The following KLB variants were observed in gnomAD, a reference collection of about 807,000 sequenced individuals.
KLB encodes klotho beta, also known as beta-klotho.
In KLB, 44 loss-of-function variants were observed where a neutral mutation model predicts 88.4. That is an observed-to-expected ratio of 0.50 (90% CI 0.39 to 0.64). The LOEUF is 0.64. Among genes scored for constraint, KLB ranks in the 30% least tolerant of loss-of-function variants. The probability of loss-of-function intolerance (pLI) is 0.00; values close to 1 mark genes in which losing one functional copy is unlikely to be tolerated. For missense variants in KLB, 1,137 were observed against 1,304.8 expected (o/e 0.87, Z 1.98); for synonymous variants, 548 against 513.4 (o/e 1.07, Z -0.91).
chr4:39,440,656 C>T (rs554746778), intron 3 of KLB, among the ~76,000 whole-genome samples: 98 of 152,218 alleles, frequency 6.4e-4, no homozygotes, highest in Non-Finnish European at 1.2e-3. Context: ...CTCCCGTGTT[C>T]GTGCAATTCT....
intron 3 of KLB, among the ~76,000 whole-genome samples, chr4:39,439,003 C>CTT (rs1343702750): frequency 7.6e-4 from 106 of 139,956 alleles, no homozygotes; most frequent in African/African-American, 2.1e-3. Flanking sequence ...TCTACTTCAT[C>CTT]TTTTTTTTTT....
chr4:39,422,809 T>C (rs142025345), intron 1 of KLB, among the ~76,000 whole-genome samples: 1 of 151,866 alleles, frequency 6.6e-6, no homozygotes, highest in Non-Finnish European at 1.5e-5. Flanking sequence ...TCACCCACAC[T>C]GGAGTGCAGT....
At chr4:39,433,167 A>T (rs1164690627) in intron 1 of KLB, among the ~76,000 whole-genome samples, 1 of 152,078 alleles carries the variant, frequency 6.6e-6, no homozygotes. Context: ...GGCATGAGCC[A>T]CCCCGCCTGG....
At chr4:39,439,857 G>A (rs540731883) in intron 3 of KLB, among the ~76,000 whole-genome samples, 3 of 152,060 alleles carry the variant, frequency 2.0e-5, no homozygotes, top group South Asian at 2.1e-4. Flanking sequence ...TAGTAGAGAC[G>A]GGGTTTCACC....
chr4:39,421,457 A>G (rs1038608587), intron 1 of KLB, among the ~76,000 whole-genome samples: 3 of 152,116 alleles, frequency 2.0e-5, no homozygotes, highest in African/African-American at 7.2e-5. Flanking sequence ...CATAATCAAA[A>G]CTATGACTCC....
chr4:39,439,675 T>C (rs1743554895), intron 3 of KLB, among the ~76,000 whole-genome samples: 1 of 150,840 alleles, frequency 6.6e-6, no homozygotes, highest in South Asian at 2.1e-4. Flanking sequence ...TTTTTTTTTT[T>C]TGGAGACGGA....
chr4:39,425,383 T>G (rs1743182672), intron 1 of KLB, among the ~76,000 whole-genome samples: 1 of 152,218 alleles, frequency 6.6e-6, no homozygotes, highest in African/African-American at 2.4e-5. Flanking sequence ...TTACATTCCT[T>G]CAGGAAAATT....
intron 3 of KLB, among the ~76,000 whole-genome samples, chr4:39,440,130 C>CT: frequency 6.7e-6 from 1 of 148,156 alleles, no homozygotes; most frequent in South Asian, 2.1e-4. Flanking sequence ...TTCTTCTTTT[C>CT]TTTTTTCTCT....
At chr4:39,414,515 A>C (rs902133195) in intron 1 of KLB, among the ~76,000 whole-genome samples, 1 of 152,038 alleles carries the variant, frequency 6.6e-6, no homozygotes, top group East Asian at 1.9e-4. Flanking sequence ...ATATTTTCTT[A>C]TATTAACCAT....
chr4:39,447,011 A>G lies in KLB; in HGVS notation c.2285A>G (p.Glu762Gly). ...GCTGACTCGCACTGGAGGGCGGCCG[A>G]GCGCTTCCTGCAGTTCGAGATCGCC... ...PYADSHWRAA[E>G]RFLQFEIAWF... The change falls in exon 4 of 5, where the codon GAG becomes GGG. Residue 762 changes from glutamate (E) to glycine (G), a missense_variant. By Grantham distance (98) the Glu-to-Gly change is moderately conservative. Coordinates refer to ENST00000257408, the MANE Select transcript of KLB (RefSeq NM_175737.4). 6.2e-7 allele frequency: 1 copy of G among 1,610,682 alleles called. No individual in the cohort carries two copies. Among genetic ancestry groups the G allele is most frequent in the South Asian group, 1.1e-5 (1 of 91,078 alleles).
At chr4:39,441,308 G>A (rs1743591627) in intron 3 of KLB, among the ~76,000 whole-genome samples, 1 of 152,176 alleles carries the variant, frequency 6.6e-6, no homozygotes, top group Non-Finnish European at 1.5e-5. Flanking sequence ...AGGCAGAAGA[G>A]TTCAATACTA....
intron 1 of KLB, among the ~76,000 whole-genome samples, chr4:39,427,829 T>C (rs1325307271): frequency 2.6e-5 from 4 of 152,210 alleles, no homozygotes; most frequent in Non-Finnish European, 5.9e-5. Context: ...GAAAATTCTC[T>C]AGGGTGTTTA....
chr4:39,443,881 G>A (rs376801660), intron 3 of KLB, among the ~76,000 whole-genome samples: 1 of 151,538 alleles, frequency 6.6e-6, no homozygotes, highest in South Asian at 2.1e-4. Flanking sequence ...GAACCGGGCC[G>A]GGCACAGTGG....
chr4:39,417,025 C>CT (rs1742978703), intron 1 of KLB, among the ~76,000 whole-genome samples: 1 of 151,846 alleles, frequency 6.6e-6, no homozygotes, highest in African/African-American at 2.4e-5. Context: ...TAGATGGAGC[C>CT]TTTTTAGTTT....
chr4:39,447,265 A>T lies in KLB; in HGVS notation c.2539A>T (p.Ile847Phe). The T allele has an allele frequency of 1.9e-6, 3 of 1,614,116 alleles. No individual in the cohort carries two copies. Among genetic ancestry groups the T allele is most frequent in the Non-Finnish European group, 1.7e-6 (2 of 1,180,030 alleles). Residue 847 changes from isoleucine (I) to phenylalanine (F), a missense_variant, in exon 4 of 5, where the codon ATC (isoleucine) becomes TTC (phenylalanine). Coordinates refer to ENST00000257408, the MANE Select transcript of KLB (RefSeq NM_175737.4). ...CAGCCGCTACGACTCGGACAGGGAC[A>T]TCCAGTTTCTGCAGGACATCACCCG... ...AGSRYDSDRD[I>F]QFLQDITRLS...
At chr4:39,417,610 A>C (rs928456371) in intron 1 of KLB, among the ~76,000 whole-genome samples, 1 of 152,138 alleles carries the variant, frequency 6.6e-6, no homozygotes, top group Non-Finnish European at 1.5e-5. Context: ...TGCTTTTTTA[A>C]AAAAAAGAAG....
At chr4:39,448,188 T>C (rs1743803921) in intron 4 of KLB, 113 bp from the exon 5 acceptor site, 1 of 731,280 alleles carries the variant, frequency 1.4e-6, no homozygotes, top group African/African-American at 1.8e-5. Context: ...CTAATAAAAA[T>C]CACTACCTTT....
At position 39,407,004 on chromosome 4, in the gene KLB, A is replaced by T; in HGVS notation, c.55A>T (p.Thr19Ser). 1 of 1,614,140 alleles carries T rather than the reference A, an allele frequency of 6.2e-7. No homozygotes were observed. Among genetic ancestry groups the T allele is most frequent in the Non-Finnish European group, 8.5e-7 (1 of 1,179,986 alleles). ...AGGGAATGAATGGATTTTCTTCAGC[A>T]CTGATGAAATAACCACACGCTATAG... The part of the protein sequence containing the change: ...SPGNEWIFFS[T>S]DEITTRYRNT... Residue 19 changes from threonine (T) to serine (S), a missense_variant, in exon 1 of 5, where the codon ACT becomes TCT. Physicochemically the swap from Thr to Ser is moderately conservative, Grantham distance 58. This residue lies in a region of KLB where 111 missense variants were observed against 118.3 expected (regional missense o/e 0.94). Coordinates refer to ENST00000257408, the MANE Select transcript of KLB (RefSeq NM_175737.4).
intron 3 of KLB, among the ~76,000 whole-genome samples, chr4:39,444,044 C>T (rs975028409): frequency 2.0e-5 from 3 of 151,912 alleles, no homozygotes; most frequent in African/African-American, 7.3e-5. Flanking sequence ...GTAATCCCAG[C>T]TACTCAGGAG....
Sources: gnomAD v4.1 joint callset for allele counts (sites outside exome capture counted in the v4.1 genomes callset) on GRCh38, gnomAD v4.1.1 for gene constraint, gnomAD v4.1.1 regional missense constraint, MANE v1.5 for transcripts, NCBI Gene and HGNC (gene_info 2026-07-23, HGNC 2026-07-21) for gene names.